Variants in NPY2R observed in about 807,000 individuals in gnomAD.
NPY2R encodes neuropeptide Y receptor type 2.
NPY2R carries 17 observed loss-of-function variants against 22.3 expected under a neutral mutation model. The observed-to-expected ratio is 0.76, with a 90% confidence interval of 0.52 to 1.14. NPY2R has a LOEUF of 1.14. Ranked by LOEUF, NPY2R falls within the 50% of genes most tolerant of loss-of-function variation. The probability of loss-of-function intolerance (pLI) is 0.00; values close to 1 mark genes in which losing one functional copy is unlikely to be tolerated. For synonymous variants in NPY2R, 209 were observed against 183.4 expected, an observed-to-expected ratio of 1.14 and a Z score of -1.13; for missense variants, 424 against 467.9, an observed-to-expected ratio of 0.91 and a Z score of 0.87.
the NPY2R span, among the ~76,000 whole-genome samples, chr4:155,188,091 A>G: frequency 3.2e-3 from 489 of 152,230 alleles, 1 homozygote; most frequent in African/African-American, 9.0e-3. Flanking sequence ...CCTATTCCAC[A>G]TAACACACCT....
At chr4:155,213,402 C>T (rs1369743193) in intron 1 of NPY2R, among the ~76,000 whole-genome samples, 2 of 152,126 alleles carry the variant, frequency 1.3e-5, no homozygotes, top group Non-Finnish European at 2.9e-5. Context: ...AAGGTTCAGG[C>T]ACCAGACAAA....
At chr4:155,206,252 C>T (rs1729282249), upstream of NPY2R, among the ~76,000 whole-genome samples, 1 of 152,168 alleles carries the variant, frequency 6.6e-6, no homozygotes, top group Non-Finnish European at 1.5e-5. Flanking sequence ...TGATTTGATA[C>T]AAAAGAAATC....
chr4:155,208,364 C>G (rs148900221), upstream of NPY2R: 1,359 of 152,448 alleles, frequency 8.9e-3, 8 homozygotes, highest in Middle Eastern at 0.044. The surrounding 1 kb of genome is among the most constrained non-coding windows in gnomAD (Gnocchi z 5.6). Context: ...TTTGCCCTCG[C>G]CTTTTCCCGG....
chr4:155,215,051 C>T lies in NPY2R; in HGVS notation c.1112C>T (p.Pro371Leu). ...KNLEVRKNSG[P>L]NDSFTEATNV is the part of the protein sequence containing the mutation. ...CTGGAGGTCAGAAAGAACAGTGGCC[C>T]CAATGACTCTTTCACAGAGGCTACC... Residue 371 changes from proline (P) to leucine (L), a missense_variant, in exon 2 of 2, where the codon CCC becomes CTC. By Grantham distance (98) the Pro-to-Leu change is moderately conservative (BLOSUM62 -3). Coordinates refer to ENST00000329476, the MANE Select transcript of NPY2R (RefSeq NM_000910.4). 6.2e-7 allele frequency: 1 copy of T among 1,613,452 alleles called. No individual in the cohort carries two copies. The highest frequency in any genetic ancestry group is 8.5e-7 in the Non-Finnish European group (1 of 1,180,034).
At chr4:155,200,070 T>G in the NPY2R span, among the ~76,000 whole-genome samples, 3 of 152,052 alleles carry the variant, frequency 2.0e-5, no homozygotes, top group Admixed American at 6.6e-5. Context: ...GACAACCTTA[T>G]ACAATGTGAG....
the NPY2R span, among the ~76,000 whole-genome samples, chr4:155,185,212 G>A: frequency 7.7e-3 from 1,166 of 151,818 alleles, 20 homozygotes; most frequent in African/African-American, 0.027. Context: ...GCTAAGTTTT[G>A]TATTTTTAGT....
chr4:155,186,494 G>A, the NPY2R span, among the ~76,000 whole-genome samples: 2 of 151,742 alleles, frequency 1.3e-5, no homozygotes, highest in African/African-American at 2.4e-5. Flanking sequence ...ATAGATTTAC[G>A]GTGTACAACA....
chr4:155,196,378 T>C, the NPY2R span, among the ~76,000 whole-genome samples: 1 of 151,920 alleles, frequency 6.6e-6, no homozygotes, highest in Non-Finnish European at 1.5e-5. Context: ...GAGTCATCAG[T>C]GATGGCAAGA....
the NPY2R span, among the ~76,000 whole-genome samples, chr4:155,201,271 G>A: frequency 6.6e-6 from 1 of 152,020 alleles, no homozygotes; most frequent in Admixed American, 6.5e-5. Context: ...GTCATAAGAA[G>A]CCTTATAGTT....
At chr4:155,195,262 T>C in the NPY2R span, among the ~76,000 whole-genome samples, 1 of 151,954 alleles carries the variant, frequency 6.6e-6, no homozygotes, top group East Asian at 1.9e-4. Context: ...CTCCTTCATA[T>C]GTATTTATCC....
At chr4:155,181,407 T>A in the NPY2R span, among the ~76,000 whole-genome samples, 4 of 152,102 alleles carry the variant, frequency 2.6e-5, no homozygotes, top group Non-Finnish European at 5.9e-5. Flanking sequence ...TTGGAATACA[T>A]ATAGAATATG....
upstream of NPY2R, among the ~76,000 whole-genome samples, chr4:155,204,419 G>A (rs1729244663): frequency 6.6e-6 from 1 of 152,090 alleles, no homozygotes; most frequent in African/African-American, 2.4e-5. Context: ...AAGTTTCTTG[G>A]TTTTCCCATC....
the NPY2R span, among the ~76,000 whole-genome samples, chr4:155,202,435 T>C: frequency 6.6e-6 from 1 of 152,270 alleles, no homozygotes; most frequent in East Asian, 1.9e-4. Flanking sequence ...CAATAGCAGG[T>C]CTGTGTACAA....
At chr4:155,174,199 C>T in the NPY2R span, 1 of 151,764 alleles carries the variant, frequency 6.6e-6, no homozygotes, top group Non-Finnish European at 1.5e-5. Context: ...GAATTTCTGA[C>T]TGCAATTGGT....
the NPY2R span, among the ~76,000 whole-genome samples, chr4:155,185,341 A>T: frequency 2.6e-5 from 4 of 152,116 alleles, no homozygotes; most frequent in African/African-American, 9.7e-5. Context: ...CCCAGCCAAC[A>T]TATATTTTTA....
Position 155,213,881 on chromosome 4 carries a change from T to C in NPY2R, c.-48-11T>C. 7.1e-7 allele frequency: 1 copy of C among 1,408,780 alleles called. No homozygotes were observed. Among genetic ancestry groups the C allele is most frequent in the South Asian group, 1.2e-5 (1 of 86,698 alleles). The allele number at this position is 1,408,780 out of a possible 1,614,324, so 87.3% of individuals were successfully genotyped here. ...GTTGTTGTTTTGTTTTATTTTGTTT[T>C]TTCTTTTTAGGTTGTAGACTCTTGT... On this transcript the variant is annotated splice_polypyrimidine_tract_variant and intron_variant, in intron 1 of 1. Transcript: ENST00000329476.
chr4:155,191,816 T>G, the NPY2R span, among the ~76,000 whole-genome samples: 1 of 151,934 alleles, frequency 6.6e-6, no homozygotes, highest in African/African-American at 2.4e-5. Context: ...AACTAGACTT[T>G]AAGCCCTTTG....
the NPY2R span, among the ~76,000 whole-genome samples, chr4:155,185,692 G>A: frequency 4.0e-4 from 61 of 150,952 alleles, 1 homozygote; most frequent in Non-Finnish European, 8.4e-4. Flanking sequence ...TGTAAATGGA[G>A]GATCTAATTT....
the NPY2R span, among the ~76,000 whole-genome samples, chr4:155,196,327 C>A: frequency 2.0e-5 from 3 of 151,784 alleles, no homozygotes; most frequent in African/African-American, 7.3e-5. Flanking sequence ...GATAAAGCAC[C>A]GAAAAGAAAA....
Sources: allele counts gnomAD v4.1 joint callset (sites outside exome capture counted in the v4.1 genomes callset), GRCh38; gene constraint gnomAD v4.1.1; non-coding constraint Gnocchi (gnomAD v3.1); transcripts MANE v1.5; gene names NCBI Gene and HGNC (gene_info 2026-07-23, HGNC 2026-07-21).